The following ITGA9 variants were observed in gnomAD, a reference collection of about 807,000 sequenced individuals.
ITGA9 encodes integrin subunit alpha 9.
A neutral mutation model predicts 127.8 loss-of-function variants in ITGA9; 56 were observed. That is an observed-to-expected ratio of 0.44 (90% CI 0.35 to 0.55). ITGA9 has a LOEUF of 0.55. ITGA9 is among the 20% of genes least tolerant of loss of function. The pLI, the probability that ITGA9 is intolerant of heterozygous loss-of-function variation, is 0.00. For missense variants in ITGA9, 1,196 were observed against 1,347.1 expected (o/e 0.89, Z 1.76); for synonymous variants, 508 against 514.5 (o/e 0.99, Z 0.17).
intron 18 of ITGA9, among the ~76,000 whole-genome samples, chr3:37,684,825 G>GT (rs991783960): frequency 6.6e-6 from 1 of 152,132 alleles, no homozygotes; most frequent in African/African-American, 2.4e-5. Flanking sequence ...AATTGAGTGA[G>GT]TTTTTTTAGA....
intron 15 of ITGA9, among the ~76,000 whole-genome samples, chr3:37,548,980 T>C (rs1226866616): frequency 1.3e-5 from 2 of 152,180 alleles, no homozygotes; most frequent in African/African-American, 4.8e-5. Flanking sequence ...GAAACTACCT[T>C]CATCATCCAG....
chr3:37,683,069 C>T (rs1700748553), intron 17 of ITGA9, among the ~76,000 whole-genome samples: 1 of 152,220 alleles, frequency 6.6e-6, no homozygotes, highest in Non-Finnish European at 1.5e-5. Flanking sequence ...AAACCAAGGT[C>T]CCTGTGCTGG....
chr3:37,748,501 A>G (rs1257504837), intron 22 of ITGA9: 3 of 518,886 alleles, frequency 5.8e-6, no homozygotes, highest in Admixed American at 2.6e-5. Context: ...TAATCCTAAC[A>G]CTTTGGGAGG....
Position 37,558,414 on chromosome 3 carries a change from G to A in ITGA9, c.1689+15829G>A, listed in dbSNP as rs77184825. Among the ~76,000 whole-genome samples, 982 of 152,156 alleles carry A rather than the reference G, an allele frequency of 6.5e-3. 7 individuals are homozygous for A. Among genetic ancestry groups the A allele is most frequent in the Non-Finnish European group, 0.01 (714 of 68,010 alleles). ...CTCAGGTTATTTCATGCCTGCATTCGGGGCACTGTCTTACTTGGCCTAGTC... is the reference window on the plus strand; with the variant it reads ...CTCAGGTTATTTCATGCCTGCATTCAGGGCACTGTCTTACTTGGCCTAGTC... On this transcript the variant is annotated intron_variant, in intron 15 of 27. Coordinates refer to ENST00000264741, the MANE Select transcript of ITGA9 (RefSeq NM_002207.3).
intron 27 of ITGA9, chr3:37,818,250 CCTTTTTTTTTTTTTTTT>C (rs1286244644): frequency 1.9e-5 from 2 of 107,030 alleles, no homozygotes; most frequent in Non-Finnish European, 1.8e-5. Flanking sequence ...GACCATGAAA[CCTTTTTTTTTTTTTTTT>C]TTTTTTTTTT....
At chr3:37,592,983 A>T (rs148299494) in intron 15 of ITGA9, among the ~76,000 whole-genome samples, 1 of 152,296 alleles carries the variant, frequency 6.6e-6, no homozygotes, top group East Asian at 1.9e-4. Context: ...ATGAAATTGG[A>T]CCAATCTGTT....
chr3:37,677,590 T>C (rs1270649417), intron 17 of ITGA9, among the ~76,000 whole-genome samples: 1 of 152,250 alleles, frequency 6.6e-6, no homozygotes, highest in South Asian at 2.1e-4. Flanking sequence ...ATGTTTCATA[T>C]ACATTGATAC....
At chr3:37,607,656 T>C (rs573001213) in intron 15 of ITGA9, among the ~76,000 whole-genome samples, 1 of 152,338 alleles carries the variant, frequency 6.6e-6, no homozygotes, top group East Asian at 1.9e-4. Flanking sequence ...GAATGTCTCA[T>C]GGCCAGTAGC....
intron 15 of ITGA9, among the ~76,000 whole-genome samples, chr3:37,587,178 T>C (rs756347078): frequency 4.4e-4 from 67 of 152,318 alleles, no homozygotes; most frequent in Middle Eastern, 3.4e-3. Context: ...ATTGAACCAA[T>C]AATTATTATA....
intron 15 of ITGA9, among the ~76,000 whole-genome samples, chr3:37,616,298 G>C (rs1268608847): frequency 6.6e-6 from 1 of 152,184 alleles, no homozygotes; most frequent in African/African-American, 2.4e-5. Context: ...TTAATCCTGA[G>C]TTCTAGTTTG....
At chr3:37,642,577 G>A (rs763946921) in intron 16 of ITGA9, among the ~76,000 whole-genome samples, 3 of 152,182 alleles carry the variant, frequency 2.0e-5, no homozygotes, top group Admixed American at 6.5e-5. Flanking sequence ...AATTCCCCAC[G>A]GGCAAGAGAG....
chr3:37,512,191 T>TTTCTA (rs1698936672), intron 8 of ITGA9, among the ~76,000 whole-genome samples: 2 of 51,776 alleles, frequency 3.9e-5, no homozygotes. Context: ...TTTCTTTTCT[T>TTTCTA]TTCTTTTCTT....
chr3:37,610,094 G>A (rs540630835), intron 15 of ITGA9, among the ~76,000 whole-genome samples: 1 of 152,226 alleles, frequency 6.6e-6, no homozygotes, highest in East Asian at 1.9e-4. Flanking sequence ...GCTGGGGGAC[G>A]GGGAGGGATG....
intron 21 of ITGA9, 100 bp from the exon 22 acceptor site, chr3:37,743,826 C>G (rs999179713): frequency 8.2e-5 from 71 of 860,864 alleles, no homozygotes; most frequent in Non-Finnish European, 1.2e-4. Flanking sequence ...GTGCAAGACA[C>G]TGGATTAAAT....
chr3:37,612,130 T>C (rs975353600), intron 15 of ITGA9, among the ~76,000 whole-genome samples: 3 of 152,156 alleles, frequency 2.0e-5, no homozygotes, highest in Admixed American at 6.5e-5. Context: ...TTCTGCAGTT[T>C]TGAAGCATTT....
intron 15 of ITGA9, among the ~76,000 whole-genome samples, chr3:37,545,795 G>T (rs149232748): frequency 9.7e-4 from 148 of 152,250 alleles, no homozygotes; most frequent in African/African-American, 3.4e-3. Context: ...CCTCAGCATC[G>T]GGCTCTCCAT....
intron 13 of ITGA9, 77 bp downstream of exon 13, chr3:37,526,148 T>C: frequency 1.6e-6 from 2 of 1,244,170 alleles, no homozygotes; most frequent in South Asian, 2.4e-5. Flanking sequence ...TCATGGGCTC[T>C]TTCCTCTGTC....
intron 4 of ITGA9, among the ~76,000 whole-genome samples, chr3:37,484,698 A>G (rs909606564): frequency 5.3e-5 from 8 of 152,070 alleles, no homozygotes; most frequent in African/African-American, 1.4e-4. Flanking sequence ...TTGGTGGCCA[A>G]TGCACAGATT....
At chr3:37,478,779 T>A (rs558675748) in intron 3 of ITGA9, among the ~76,000 whole-genome samples, 1 of 152,326 alleles carries the variant, frequency 6.6e-6, no homozygotes, top group African/African-American at 2.4e-5. Context: ...CTTTGCATTG[T>A]TTTCCTACAT....
Sources: gnomAD v4.1 joint callset for allele counts (sites outside exome capture counted in the v4.1 genomes callset) on GRCh38, gnomAD v4.1.1 for gene constraint, MANE v1.5 for transcripts, NCBI Gene and HGNC (gene_info 2026-07-23, HGNC 2026-07-21) for gene names.